Variants in NPSR1 observed in about 807,000 individuals in gnomAD.
NPSR1 encodes neuropeptide S receptor 1.
NPSR1 carries 48 observed loss-of-function variants against 46.9 expected under a neutral mutation model. That is an observed-to-expected ratio of 1.02 (90% CI 0.81 to 1.30). The LOEUF is 1.30. Among genes scored for constraint, NPSR1 ranks in the 50% most tolerant of loss-of-function variants. The pLI is 0.00. For synonymous variants in NPSR1, 176 were observed against 168.1 expected, an observed-to-expected ratio of 1.05 and a Z score of -0.36; for missense variants, 450 against 449.5, an observed-to-expected ratio of 1.00 and a Z score of -0.01.
intron 1 of NPSR1, among the ~76,000 whole-genome samples, chr7:34,677,180 G>T (rs1792361060): frequency 6.6e-6 from 1 of 152,152 alleles, no homozygotes; most frequent in Admixed American, 6.5e-5. Context: ...TGGATCCCTT[G>T]GCTCGGATTG....
chr7:34,764,971 T>C lies in NPSR1; in HGVS notation c.281-13491T>C, dbSNP rs997929043. On this transcript the variant is annotated intron_variant, in intron 2 of 8. Transcript: ENST00000360581. The stretch of plus-strand genomic sequence containing the variant: ...ATTGAGTAACAAGCAGTAGCAGTAT[T>C]ACAGCAAAACAGGCACAGCTGAAAG... Among the ~76,000 whole-genome samples, 14 of 152,238 alleles carry C rather than the reference T, an allele frequency of 9.2e-5. No homozygotes were observed. In the South Asian group the frequency reaches 2.7e-3, roughly 29 times the overall value.
intron 2 of NPSR1, among the ~76,000 whole-genome samples, chr7:34,730,305 G>A (rs1336410250): frequency 2.0e-5 from 3 of 152,150 alleles, no homozygotes; most frequent in Non-Finnish European, 4.4e-5. Flanking sequence ...TGATGTTCCT[G>A]CTTTTCTGAA....
chr7:34,675,869 T>A (rs2128677677), intron 1 of NPSR1, among the ~76,000 whole-genome samples: 1 of 152,362 alleles, frequency 6.6e-6, no homozygotes, highest in South Asian at 2.1e-4. Flanking sequence ...AATCTTTAGT[T>A]ATTGAAACAT....
intron 4 of NPSR1, among the ~76,000 whole-genome samples, chr7:34,821,437 T>C (rs1485208953): frequency 6.6e-6 from 1 of 152,216 alleles, no homozygotes; most frequent in Non-Finnish European, 1.5e-5. Context: ...GTGATACACT[T>C]ATTTATCCAT....
intron 2 of NPSR1, among the ~76,000 whole-genome samples, chr7:34,768,868 G>A (rs990206279): frequency 2.6e-5 from 4 of 152,166 alleles, no homozygotes; most frequent in African/African-American, 9.7e-5. Context: ...CGGTGACTGA[G>A]TATTGAGATG....
intron 8 of NPSR1, among the ~76,000 whole-genome samples, chr7:34,863,438 C>T (rs1369007655): frequency 1.3e-5 from 2 of 151,738 alleles, no homozygotes; most frequent in African/African-American, 4.9e-5. Flanking sequence ...TCAGAGTGAA[C>T]AGGCAACCTA....
chr7:34,761,203 A>C (rs1434597869), intron 2 of NPSR1: 1 of 152,624 alleles, frequency 6.6e-6, no homozygotes, highest in Admixed American at 6.5e-5. Context: ...TGTGAAAGCA[A>C]AGGGAAGAAG....
intron 2 of NPSR1, among the ~76,000 whole-genome samples, chr7:34,686,352 G>GCT (rs1208947598): frequency 3.9e-5 from 6 of 152,140 alleles, no homozygotes; most frequent in Non-Finnish European, 8.8e-5. Flanking sequence ...GTCTAAGACT[G>GCT]AAGCTCAATG....
chr7:34,661,021 T>C (rs1204975222), intron 1 of NPSR1, among the ~76,000 whole-genome samples: 1 of 152,240 alleles, frequency 6.6e-6, no homozygotes, highest in African/African-American at 2.4e-5. Context: ...ATTTGTTTCA[T>C]ATTTTCTCCC....
At position 34,821,867 on chromosome 7, in the gene NPSR1, T is replaced by C. The variant is rs112969556; in HGVS notation, c.479-5534T>C. Among the ~76,000 whole-genome samples the C allele has an allele frequency of 2.6e-5, 4 of 152,200 alleles. No individual in the cohort carries two copies. In the South Asian group the frequency reaches 6.2e-4, roughly 24 times the overall value. On this transcript the variant is annotated intron_variant, in intron 4 of 8. Coordinates refer to ENST00000360581, the MANE Select transcript of NPSR1 (RefSeq NM_207172.2). The stretch of plus-strand genomic sequence containing the variant: ...GTGCTTGGAAAATCCTCATCATCAG[T>C]AGCTTCTGGGAAAGATGAAAGCTTA...
chr7:34,824,321 A>G (rs1206852837), intron 4 of NPSR1, among the ~76,000 whole-genome samples: 4 of 152,220 alleles, frequency 2.6e-5, no homozygotes, highest in Non-Finnish European at 5.9e-5. Context: ...AAGTACAGAA[A>G]TGGACAAGAG....
intron 2 of NPSR1, among the ~76,000 whole-genome samples, chr7:34,695,920 T>A (rs1793495386): frequency 1.3e-5 from 2 of 151,958 alleles, no homozygotes; most frequent in African/African-American, 4.8e-5. Flanking sequence ...TTGAAACAGA[T>A]CTTCCATTTC....
At chr7:34,770,948 T>A (rs1786655589) in intron 2 of NPSR1, among the ~76,000 whole-genome samples, 1 of 152,198 alleles carries the variant, frequency 6.6e-6, no homozygotes, top group African/African-American at 2.4e-5. Flanking sequence ...CATTCACTTT[T>A]TATAATGGCA....
chr7:34,789,740 C>CA (rs751424409), intron 3 of NPSR1, among the ~76,000 whole-genome samples: 8,063 of 45,014 alleles, frequency 0.18, 1,345 homozygotes, highest in South Asian at 0.25. Context: ...TTGCAGTGCG[C>CA]AAAAAAAAAA....
intron 5 of NPSR1, 36 bp downstream of exon 5, chr7:34,827,638 T>TGGGGGGGGGGG: frequency 5.0e-5 from 9 of 179,948 alleles, no homozygotes; most frequent in East Asian, 1.3e-4. Flanking sequence ...CACGGGGGGG[T>TGGGGGGGGGGG]GGGGCGGGGG....
At chr7:34,664,527 A>C (rs1473825094) in intron 1 of NPSR1, among the ~76,000 whole-genome samples, 1 of 152,114 alleles carries the variant, frequency 6.6e-6, no homozygotes, top group East Asian at 1.9e-4. Context: ...GAGAGAGACC[A>C]CTGCAGGTGG....
At chr7:34,842,772 A>T (rs2128763049) in intron 6 of NPSR1, among the ~76,000 whole-genome samples, 1 of 152,348 alleles carries the variant, frequency 6.6e-6, no homozygotes, top group South Asian at 2.1e-4. Context: ...GCAATGAGTA[A>T]ATGTTCACAC....
At chr7:34,870,142 G>A (rs1311320756) in intron 8 of NPSR1, among the ~76,000 whole-genome samples, 1 of 151,876 alleles carries the variant, frequency 6.6e-6, no homozygotes, top group African/African-American at 2.4e-5. Context: ...GACTCAAGAG[G>A]GCGAGCAGAC....
rs570611696 is a variant in NPSR1 at position 34,762,089 on chromosome 7, A to C, written c.281-16373A>C. Reference sequence around the variant, plus strand: ...GTTTTACGAGGACTTGGGTTTCCTTAATTAGACACAAGCTTTTTATTTGGT... The same window carrying C: ...GTTTTACGAGGACTTGGGTTTCCTTCATTAGACACAAGCTTTTTATTTGGT... On this transcript the variant is annotated intron_variant, in intron 2 of 8. Coordinates refer to ENST00000360581, the MANE Select transcript of NPSR1 (RefSeq NM_207172.2). 3.1e-3 allele frequency among the ~76,000 whole-genome samples: 479 copies of C among 152,268 alleles called. 2 individuals are homozygous for C. The highest frequency in any genetic ancestry group is 4.8e-3 in the Non-Finnish European group (328 of 68,028).
Sources: allele counts gnomAD v4.1 joint callset (sites outside exome capture counted in the v4.1 genomes callset), GRCh38; gene constraint gnomAD v4.1.1; transcripts MANE v1.5; gene names NCBI Gene and HGNC (gene_info 2026-07-23, HGNC 2026-07-21).